Variants in RFC1 observed in about 807,000 individuals in gnomAD.
RFC1 encodes replication factor C subunit 1, also known as A1 140 kDa subunit.
In RFC1, 37 loss-of-function variants were observed where a neutral mutation model predicts 137.4. The observed-to-expected ratio is 0.27, with a 90% confidence interval of 0.21 to 0.35. The LOEUF is 0.35. RFC1 is among the 10% of genes least tolerant of loss of function. RFC1 has a pLI of 1.00. For missense variants in RFC1, 1,205 were observed against 1,358.5 expected, an observed-to-expected ratio of 0.89 and a Z score of 1.78; for synonymous variants, 429 against 455.7, an observed-to-expected ratio of 0.94 and a Z score of 0.75.
At chr4:39,358,085 A>G (rs1741571549) in intron 1 of RFC1, among the ~76,000 whole-genome samples, 1 of 151,930 alleles carries the variant, frequency 6.6e-6, no homozygotes, top group Non-Finnish European at 1.5e-5. Flanking sequence ...GACCAGCCTG[A>G]CCAACATGGA....
At chr4:39,345,310 C>G in intron 3 of RFC1, 91 bp downstream of exon 3, 1 of 1,099,348 alleles carries the variant, frequency 9.1e-7, no homozygotes, top group Non-Finnish European at 1.3e-6. Flanking sequence ...CATGAGCCAC[C>G]GCACCCATCC....
intron 18 of RFC1, 43 bp from the exon 19 acceptor site, chr4:39,302,419 C>A (rs994295307): frequency 7.8e-6 from 12 of 1,534,254 alleles, no homozygotes; most frequent in Non-Finnish European, 1.1e-5. Context: ...TAGGAAAATC[C>A]TGTTGCTCCC....
At chr4:39,353,888 A>C (rs1222979324) in intron 1 of RFC1, among the ~76,000 whole-genome samples, 2 of 152,222 alleles carry the variant, frequency 1.3e-5, no homozygotes, top group Non-Finnish European at 2.9e-5. Flanking sequence ...GTGGTTTTCA[A>C]CCTGTTTTCG....
chr4:39,342,040 T>C (rs1470644330), intron 4 of RFC1, among the ~76,000 whole-genome samples: 1 of 152,194 alleles, frequency 6.6e-6, no homozygotes, highest in East Asian at 1.9e-4. Flanking sequence ...GATAAAAAGC[T>C]TGCATTAAAA....
At chr4:39,328,532 A>G (rs1739901669) in intron 4 of RFC1, among the ~76,000 whole-genome samples, 1 of 152,226 alleles carries the variant, frequency 6.6e-6, no homozygotes, top group African/African-American at 2.4e-5. Flanking sequence ...GAGGCCTGAA[A>G]TGAAGATACC....
chr4:39,360,381 T>C (rs1741693502), intron 1 of RFC1, among the ~76,000 whole-genome samples: 1 of 152,050 alleles, frequency 6.6e-6, no homozygotes, highest in Non-Finnish European at 1.5e-5. Context: ...CATACGTCTG[T>C]AGTCCCAGCT....
At chr4:39,331,452 G>T (rs1474269196) in intron 4 of RFC1, among the ~76,000 whole-genome samples, 1 of 152,104 alleles carries the variant, frequency 6.6e-6, no homozygotes, top group African/African-American at 2.4e-5. Flanking sequence ...ATGGAGAGCA[G>T]ATTGTAACAG....
intron 23 of RFC1, 114 bp downstream of exon 23, chr4:39,291,525 G>T: frequency 1.4e-6 from 1 of 729,290 alleles, no homozygotes. Context: ...GAAGCAACAA[G>T]CATTTGAGGG....
chr4:39,331,070 T>C (rs1740079481), intron 4 of RFC1, among the ~76,000 whole-genome samples: 2 of 152,178 alleles, frequency 1.3e-5, no homozygotes, highest in African/African-American at 2.4e-5. Context: ...TAACTAACCA[T>C]TGAGAATATA....
chr4:39,357,112 T>G (rs775551380), intron 1 of RFC1, among the ~76,000 whole-genome samples: 10 of 152,188 alleles, frequency 6.6e-5, no homozygotes, highest in Non-Finnish European at 1.2e-4. Flanking sequence ...TCCTAATCTT[T>G]CTTTAATCCA....
Position 39,288,166 on chromosome 4 carries a change from T to C in RFC1, c.*595A>G, listed in dbSNP as rs948154585. ...TTAATAAGGAAGTAATATACCAACA[T>C]AATATTTTGCTGTACAAGATGACAA... On this transcript the variant is annotated 3_prime_UTR_variant, in exon 25 of 25. Transcript: ENST00000349703. The C allele has an allele frequency of 1.3e-5, 2 of 152,202 alleles. No individual in the cohort carries two copies. Among genetic ancestry groups the C allele is most frequent in the South Asian group, 2.1e-4 (1 of 4,828 alleles). The allele number at this position is 152,202 out of a possible 1,614,324, so 9.4% of individuals were successfully genotyped here.
chr4:39,295,708 G>A lies in RFC1; in HGVS notation c.2860C>T (p.Gln954Ter). 1 of 1,613,698 alleles carries A rather than the reference G, an allele frequency of 6.2e-7. No individual in the cohort carries two copies. Among genetic ancestry groups the A allele is most frequent in the Non-Finnish European group, 8.5e-7 (1 of 1,179,770 alleles). ...AGCCAGCTTGGGAAGGTGGGAAACT[G>A]GGTCATGTACCCCCTCATCAACTCT... is the stretch of plus-strand genomic sequence containing the variant. Reference protein sequence around the residue: ...PGELMRGYMTQFPTFPSWLGK... With the variant: ...PGELMRGYMT Residue 954 changes from glutamine to a stop codon, truncating the protein, a stop_gained, in exon 22 of 25, where the codon CAG (glutamine) becomes TAG (stop). Transcript: ENST00000349703. LOFTEE classifies it high-confidence loss of function.
At position 39,302,864 on chromosome 4, in the gene RFC1, C is replaced by T; in HGVS notation, c.2213G>A (p.Gly738Asp). ...EDRGGIQELI[G>D]LIKHTKIPII... ...GGGAATTTTAGTATGTTTTATCAGG[C>T]CAATTAATTCCTGAAAGGCAAGTTT... The change falls in exon 17 of 25, where the codon GGC becomes GAC. Residue 738 changes from glycine to aspartate, a missense_variant. This residue lies in a region of RFC1 where 962 missense variants were observed against 1,035.3 expected (regional missense o/e 0.93). Transcript: ENST00000349703. 1 of 1,577,056 alleles carries T rather than the reference C, an allele frequency of 6.3e-7. No homozygotes were observed. Among genetic ancestry groups the T allele is most frequent in the Non-Finnish European group, 8.6e-7 (1 of 1,164,666 alleles).
Position 39,288,772 on chromosome 4 carries a change from A to C in RFC1, c.3433T>G (p.Ser1145Ala), listed in dbSNP as rs766937786. Residue 1145 changes from serine (S) to alanine (A), a missense_variant, in exon 25 of 25, where the codon TCG becomes GCG. Physicochemically the swap from Ser to Ala is moderately conservative, Grantham distance 99. Around this residue, in one of 3 missense-constraint regions of RFC1, gnomAD observed 237 missense variants for 304.2 expected, o/e 0.78. Transcript: ENST00000349703. ...KEPRKGKGKS[S>A]KK ...AGTGAAAAATGGTTTCATTTCTTCG[A>C]ACTTTTTCCTTTTCCTTTTCTGGGC... 12 of 1,609,970 alleles carry C rather than the reference A, an allele frequency of 7.5e-6. No individual in the cohort carries two copies. The South Asian group carries it at 1.3e-4, about 18-fold the overall frequency.
At chr4:39,291,874 CAT>C (rs1737698251) in intron 22 of RFC1, 22 bp from the exon 23 acceptor site, 14 of 1,561,662 alleles carry the variant, frequency 9.0e-6, no homozygotes, top group Non-Finnish European at 1.1e-5. Context: ...ACAAAAGAGA[CAT>C]AGTCAACAGC....
chr4:39,353,397 C>CAAAAAAA (rs11416030), intron 1 of RFC1, among the ~76,000 whole-genome samples: 6 of 63,524 alleles, frequency 9.4e-5, no homozygotes, highest in Middle Eastern at 0.013. Flanking sequence ...GAGACTGTCT[C>CAAAAAAA]AAAAAAAAAA....
At chr4:39,354,945 G>A (rs1741388029) in intron 1 of RFC1, among the ~76,000 whole-genome samples, 1 of 151,456 alleles carries the variant, frequency 6.6e-6, no homozygotes, top group Non-Finnish European at 1.5e-5. Context: ...GGCCATGTGT[G>A]GTGGTGCACA....
Position 39,320,481 on chromosome 4 carries a change from T to C in RFC1, c.997A>G (p.Ile333Val). 6.2e-7 allele frequency: 1 copy of C among 1,609,124 alleles called. No homozygotes were observed. Among genetic ancestry groups the C allele is most frequent in the South Asian group, 1.1e-5 (1 of 89,358 alleles). ...KRKEESSYKE[I>V]EPVASKRKEN... ...TTTCTTTTTGAGGCCACAGGCTCTATTTCTTTATAAGAGCTCTCTTCTTTT... is the reference window on the plus strand; with the variant it reads ...TTTCTTTTTGAGGCCACAGGCTCTACTTCTTTATAAGAGCTCTCTTCTTTT... Residue 333 changes from isoleucine (I) to valine (V), a missense_variant, in exon 9 of 25, where the codon ATA becomes GTA. Physicochemically the swap from Ile to Val is conservative, Grantham distance 29. Coordinates refer to ENST00000349703, the MANE Select transcript of RFC1 (RefSeq NM_002913.5).
At chr4:39,332,924 C>A (rs891132377) in intron 4 of RFC1, among the ~76,000 whole-genome samples, 1 of 152,164 alleles carries the variant, frequency 6.6e-6, no homozygotes, top group African/African-American at 2.4e-5. Flanking sequence ...TCAAGACCAG[C>A]CTGGGCAAAA....
Sources: gnomAD v4.1 joint callset for allele counts (sites outside exome capture counted in the v4.1 genomes callset) on GRCh38, gnomAD v4.1.1 for gene constraint, gnomAD v4.1.1 regional missense constraint, MANE v1.5 for transcripts, NCBI Gene and HGNC (gene_info 2026-07-23, HGNC 2026-07-21) for gene names.